MACROD2: variants seen among roughly 807,000 people sequenced by gnomAD.
MACROD2 encodes ADP-ribose glycohydrolase MACROD2.
In MACROD2, 36 loss-of-function variants were observed where a neutral mutation model predicts 70.4. The ratio of observed to expected loss-of-function variants is 0.51; its 90% CI spans 0.39 to 0.68. The LOEUF (loss-of-function observed/expected upper bound fraction) is 0.68, where lower values mean the gene tolerates loss of function less well. Among genes scored for constraint, MACROD2 ranks in the 30% least tolerant of loss-of-function variants. The probability of loss-of-function intolerance (pLI) is 0.00; values close to 1 mark genes in which losing one functional copy is unlikely to be tolerated. For synonymous variants in MACROD2, 172 were observed against 178.8 expected (o/e 0.96, Z 0.30); for missense variants, 496 against 538.4 (o/e 0.92, Z 0.78).
chr20:15,719,408 G>A (rs2050753125), intron 8 of MACROD2, among the ~76,000 whole-genome samples: 1 of 152,128 alleles, frequency 6.6e-6, no homozygotes, highest in South Asian at 2.1e-4. Context: ...TACTGTCTAA[G>A]CAGTCTTTGA....
chr20:14,041,549 A>T (rs2053390485), intron 2 of MACROD2, among the ~76,000 whole-genome samples: 1 of 152,234 alleles, frequency 6.6e-6, no homozygotes, highest in Admixed American at 6.5e-5. Flanking sequence ...GCTCTGGAAA[A>T]CAGGAAAAGA....
chr20:15,729,353 C>A (rs534466954), intron 8 of MACROD2, among the ~76,000 whole-genome samples: 5 of 152,206 alleles, frequency 3.3e-5, no homozygotes, highest in East Asian at 1.9e-4. Context: ...TAGAAGAATG[C>A]ATATTCTGTT....
intron 5 of MACROD2, among the ~76,000 whole-genome samples, chr20:14,949,984 G>T (rs1012330834): frequency 2.6e-5 from 4 of 152,120 alleles, no homozygotes; most frequent in Admixed American, 2.6e-4. Context: ...GTGCATGTCA[G>T]GGCAAATACA....
intron 6 of MACROD2, among the ~76,000 whole-genome samples, chr20:15,261,645 C>A (rs1231794092): frequency 6.6e-6 from 1 of 151,932 alleles, no homozygotes; most frequent in Non-Finnish European, 1.5e-5. Context: ...GAAGAAAAGT[C>A]TGTCTTCAGA....
chr20:15,888,455 A>G (rs1185680804), intron 10 of MACROD2, among the ~76,000 whole-genome samples: 1 of 152,142 alleles, frequency 6.6e-6, no homozygotes, highest in East Asian at 1.9e-4. Flanking sequence ...TTATCTCGCC[A>G]TGGATCATTT....
At chr20:15,240,231 A>G (rs1317407565) in intron 6 of MACROD2, among the ~76,000 whole-genome samples, 1 of 152,208 alleles carries the variant, frequency 6.6e-6, no homozygotes, top group African/African-American at 2.4e-5. Flanking sequence ...AGCATGTCTT[A>G]GAGGTTACTT....
chr20:14,395,292 G>A (rs1198097007), intron 3 of MACROD2, among the ~76,000 whole-genome samples: 1 of 151,786 alleles, frequency 6.6e-6, no homozygotes, highest in African/African-American at 2.4e-5. Context: ...ATAGATATAG[G>A]GCTATTTGTA....
At chr20:14,015,654 C>T (rs1175627788) in intron 2 of MACROD2, among the ~76,000 whole-genome samples, 1 of 152,192 alleles carries the variant, frequency 6.6e-6, no homozygotes, top group African/African-American at 2.4e-5. Flanking sequence ...TCCTTCTCAC[C>T]TGTCCCCTCT....
chr20:14,110,291 CTGAAAGCTT>C, intron 3 of MACROD2, among the ~76,000 whole-genome samples: 1 of 151,934 alleles, frequency 6.6e-6, no homozygotes, highest in South Asian at 2.1e-4. Context: ...TGGGGGAAAA[CTGAAAGCTT>C]TTTTTTAAAG....
rs1056270209 is a variant in MACROD2 at position 15,048,731 on chromosome 20, G to T, written c.419-181209G>T. Among the ~76,000 whole-genome samples the T allele has an allele frequency of 5.3e-5, 8 of 152,070 alleles. No homozygotes were observed. In the East Asian group the frequency reaches 1.5e-3, roughly 29 times the overall value. On this transcript the variant is annotated intron_variant, in intron 5 of 17. Coordinates refer to ENST00000684519, the MANE Select transcript of MACROD2 (RefSeq NM_001351661.2). The stretch of plus-strand genomic sequence containing the variant: ...GTTCTTCATTTTAAACATAATTTAT[G>T]CTGGTGCTAAGTCTAAAGCATAAAG...
intron 3 of MACROD2, among the ~76,000 whole-genome samples, chr20:14,364,924 G>C (rs2083258125): frequency 6.6e-6 from 1 of 152,212 alleles, no homozygotes; most frequent in East Asian, 1.9e-4. Flanking sequence ...AGCAATATTG[G>C]TCTGAAGTTT....
intron 5 of MACROD2, among the ~76,000 whole-genome samples, chr20:15,206,350 GT>G (rs1429268879): frequency 2.6e-5 from 4 of 152,028 alleles, no homozygotes; most frequent in South Asian, 2.1e-4. Flanking sequence ...AAAATCATAG[GT>G]TGGAACTTAC....
At chr20:14,813,918 C>T (rs1600690381) in intron 5 of MACROD2, among the ~76,000 whole-genome samples, 1 of 152,134 alleles carries the variant, frequency 6.6e-6, no homozygotes, top group Middle Eastern at 3.4e-3. Context: ...GACCAGCCCC[C>T]ATTCTGAAGC....
chr20:15,469,406 G>A (rs2146431163), intron 7 of MACROD2, among the ~76,000 whole-genome samples: 1 of 152,270 alleles, frequency 6.6e-6, no homozygotes, highest in South Asian at 2.1e-4. Flanking sequence ...TGGCTGAACT[G>A]AAAGTCCATG....
chr20:13,998,043 A>G (rs924682779), intron 1 of MACROD2, among the ~76,000 whole-genome samples: 19 of 152,282 alleles, frequency 1.2e-4, no homozygotes, highest in African/African-American at 4.6e-4. Flanking sequence ...GCATTCTATA[A>G]ACATATTTTT....
At chr20:14,767,652 A>C (rs2123764053) in intron 5 of MACROD2, among the ~76,000 whole-genome samples, 1 of 151,886 alleles carries the variant, frequency 6.6e-6, no homozygotes, top group South Asian at 2.1e-4. Context: ...TTTTTAAAAA[A>C]AATTATATTT....
At chr20:15,321,478 G>A (rs1052120773) in intron 6 of MACROD2, among the ~76,000 whole-genome samples, 2 of 143,692 alleles carry the variant, frequency 1.4e-5, no homozygotes, top group South Asian at 2.3e-4. Flanking sequence ...TTTATGCTTG[G>A]GATGATTGTT....
At chr20:14,923,915 A>G (rs1210144756) in intron 5 of MACROD2, among the ~76,000 whole-genome samples, 1 of 152,140 alleles carries the variant, frequency 6.6e-6, no homozygotes. Flanking sequence ...TCAGACTGAA[A>G]AAAGATGATG....
intron 3 of MACROD2, among the ~76,000 whole-genome samples, chr20:14,464,955 C>G (rs1186214539): frequency 3.9e-5 from 6 of 152,000 alleles, no homozygotes; most frequent in Non-Finnish European, 8.8e-5. Flanking sequence ...TTACTTCCAA[C>G]TATGTGGTCA....
Sources: gnomAD v4.1 joint callset for allele counts (sites outside exome capture counted in the v4.1 genomes callset) on GRCh38, gnomAD v4.1.1 for gene constraint, MANE v1.5 for transcripts, NCBI Gene and HGNC (gene_info 2026-07-23, HGNC 2026-07-21) for gene names.